Variants in EARS2 observed in about 807,000 individuals in gnomAD.
The protein encoded by EARS2 is nondiscriminating glutamyl-tRNA synthetase EARS2, mitochondrial.
Under a neutral mutation model 54.1 loss-of-function variants are expected in EARS2, and 50 were observed. The ratio of observed to expected loss-of-function variants is 0.92; its 90% CI spans 0.74 to 1.17. The LOEUF (loss-of-function observed/expected upper bound fraction) is 1.17. Among genes scored for constraint, EARS2 ranks in the 50% most tolerant of loss-of-function variants. The pLI, the probability that EARS2 is intolerant of heterozygous loss-of-function variation, is 0.00. For missense variants in EARS2, 673 were observed against 675.0 expected, an observed-to-expected ratio of 1.00 and a Z score of 0.03; for synonymous variants, 298 against 281.0, an observed-to-expected ratio of 1.06 and a Z score of -0.61.
intron 3 of EARS2, among the ~76,000 whole-genome samples, chr16:23,541,348 A>G (rs1352089804): frequency 3.0e-5 from 4 of 132,650 alleles, no homozygotes; most frequent in Non-Finnish European, 7.3e-5. Context: ...AACATAACAT[A>G]AAACAAAACA....
chr16:23,542,893 T>C (rs1003240615), intron 3 of EARS2, among the ~76,000 whole-genome samples: 2 of 151,652 alleles, frequency 1.3e-5, no homozygotes, highest in African/African-American at 4.8e-5. Flanking sequence ...GGTGGGAAGA[T>C]TGTTCGAGTT....
chr16:23,557,109 C>G, intron 1 of EARS2, 96 bp downstream of exon 1: 1 of 1,465,448 alleles, frequency 6.8e-7, no homozygotes, highest in East Asian at 2.4e-5. Context: ...CGCCCGCCCA[C>G]TCTGACACCA....
intron 2 of EARS2, chr16:23,544,985 G>C (rs1317438091): frequency 9.4e-6 from 3 of 318,754 alleles, no homozygotes; most frequent in Non-Finnish European, 1.7e-5. Context: ...GGGATTACAA[G>C]CATGTGCCAC....
At chr16:23,533,996 C>T (rs576671418) in intron 4 of EARS2, among the ~76,000 whole-genome samples, 8 of 150,544 alleles carry the variant, frequency 5.3e-5, no homozygotes, top group Middle Eastern at 3.4e-3. Flanking sequence ...ACGGAGGTTG[C>T]GGTGAGCCGA....
rs772870436 is a variant in EARS2, at chr16:23,521,759, T to C, written c.*2612A>G. The stretch of plus-strand genomic sequence containing the variant: ...TGTAGATATACCAGAATCGACTTAG[T>C]ATTTTGACCACTCACTTTGTTAAAA... On this transcript the variant is annotated 3_prime_UTR_variant, in exon 9 of 9. Transcript: ENST00000449606. 1.8e-5 allele frequency: 8 copies of C among 449,484 alleles called. No individual in the cohort carries two copies. The highest frequency in any genetic ancestry group is 3.1e-5 in the Non-Finnish European group (7 of 225,300). The allele number at this position is 449,484 out of a possible 1,614,324, so 27.8% of individuals were successfully genotyped here. A position where few individuals can be genotyped will look rare whatever the true frequency, so the allele number is the denominator to read the frequency against.
At chr16:23,532,583 T>C in intron 5 of EARS2, 74 bp downstream of exon 5, 8 of 1,076,552 alleles carry the variant, frequency 7.4e-6, no homozygotes, top group Middle Eastern at 2.0e-4. Flanking sequence ...GAGCCCATTA[T>C]ACCCTCTGCT....
intron 1 of EARS2, among the ~76,000 whole-genome samples, chr16:23,556,091 G>A (rs1280084432): frequency 6.6e-6 from 1 of 152,138 alleles, no homozygotes; most frequent in African/African-American, 2.4e-5. Flanking sequence ...ACTGCTCTAG[G>A]CTATACTGCC....
At chr16:23,552,661 T>C (rs539071493) in intron 1 of EARS2, among the ~76,000 whole-genome samples, 3 of 152,214 alleles carry the variant, frequency 2.0e-5, no homozygotes, top group Non-Finnish European at 1.5e-5. Context: ...AGCTACATGT[T>C]TGTATTTTTG....
In EARS2 at chr16:23,535,243, C is replaced by G. The variant is rs1175933891; in HGVS notation, c.603G>C (p.Leu201=). The G allele has an allele frequency of 9.9e-6, 16 of 1,612,394 alleles. No individual in the cohort carries two copies. The highest frequency in any genetic ancestry group is 1.2e-5 in the Non-Finnish European group (14 of 1,180,028). The change falls in exon 4 of 9, where the codon CTG becomes CTC. Residue 201 remains leucine (L), a synonymous_variant. Coordinates refer to ENST00000449606, the MANE Select transcript of EARS2 (RefSeq NM_001083614.2). Reference sequence around the variant, plus strand: ...CTTCATGCCTATTCCAGCCATAGACCAGGTCCTGGAAGGCTGGCACCACCT... The same window carrying G: ...CTTCATGCCTATTCCAGCCATAGACGAGGTCCTGGAAGGCTGGCACCACCT... The part of the protein sequence containing the change: ...LEQVVPAFQD[L]VYGWNRHEVA...
At chr16:23,546,723 CT>C (rs1400233190) in intron 2 of EARS2, among the ~76,000 whole-genome samples, 2 of 152,114 alleles carry the variant, frequency 1.3e-5, no homozygotes, top group African/African-American at 4.8e-5. Context: ...GCCTGGCTAA[CT>C]TTTTTTAAGT....
chr16:23,525,879 T>A (rs1965218301), intron 7 of EARS2, among the ~76,000 whole-genome samples: 1 of 151,330 alleles, frequency 6.6e-6, no homozygotes, highest in Admixed American at 6.6e-5. Context: ...GTGCCTGTAG[T>A]CCCAGCTACT....
intron 5 of EARS2, 123 bp from the exon 6 acceptor site, chr16:23,530,020 G>A (rs879394133): frequency 2.3e-5 from 27 of 1,191,720 alleles, no homozygotes; most frequent in African/African-American, 1.2e-4. Context: ...CCTCCCTTTC[G>A]CAAGCTAGAA....
chr16:23,556,278 C>T (rs1420168309), intron 1 of EARS2, among the ~76,000 whole-genome samples: 1 of 152,234 alleles, frequency 6.6e-6, no homozygotes, highest in Admixed American at 6.5e-5. Context: ...GGGCCTCTGT[C>T]ACCCTCTAGC....
At chr16:23,524,706 G>A (rs1311467338) in intron 8 of EARS2, among the ~76,000 whole-genome samples, 1 of 150,568 alleles carries the variant, frequency 6.6e-6, no homozygotes, top group Non-Finnish European at 1.5e-5. Flanking sequence ...GAATACAACG[G>A]TGCGATCTTG....
intron 5 of EARS2, among the ~76,000 whole-genome samples, chr16:23,531,267 T>C (rs1167765715): frequency 2.0e-5 from 3 of 151,678 alleles, no homozygotes; most frequent in African/African-American, 4.8e-5. Flanking sequence ...CTAGTTTCTT[T>C]CTTTTTTTTT....
At chr16:23,528,673 T>C (rs1965270774) in intron 7 of EARS2, among the ~76,000 whole-genome samples, 1 of 152,152 alleles carries the variant, frequency 6.6e-6, no homozygotes, top group Non-Finnish European at 1.5e-5. Flanking sequence ...GGCTGAGGTG[T>C]GAAGATTGCT....
At chr16:23,537,779 CTTTTCT>C (rs1319520641) in intron 3 of EARS2, among the ~76,000 whole-genome samples, 4 of 149,278 alleles carry the variant, frequency 2.7e-5, no homozygotes, top group Non-Finnish European at 5.9e-5. Context: ...TCTTTCTTTT[CTTTTCT>C]TTTTCTTTCT....
At chr16:23,536,944 G>A (rs1168869155) in intron 3 of EARS2, 2 of 153,336 alleles carry the variant, frequency 1.3e-5, no homozygotes, top group African/African-American at 4.8e-5. Context: ...GCCTCCCATA[G>A]TGCTGGGATT....
intron 1 of EARS2, among the ~76,000 whole-genome samples, chr16:23,554,207 G>T (rs1965740756): frequency 6.6e-6 from 1 of 151,364 alleles, no homozygotes; most frequent in Non-Finnish European, 1.5e-5. Context: ...TTTTGCAGAG[G>T]CAAGGTCTCA....
Sources: gnomAD v4.1 joint callset for allele counts (sites outside exome capture counted in the v4.1 genomes callset) on GRCh38, gnomAD v4.1.1 for gene constraint, MANE v1.5 for transcripts, NCBI Gene and HGNC (gene_info 2026-07-23, HGNC 2026-07-21) for gene names.